Variants in PATJ observed in about 807,000 individuals in gnomAD.
PATJ encodes the protein PATJ crumbs cell polarity complex component.
Under a neutral mutation model 224.9 loss-of-function variants are expected in PATJ, and 190 were observed. That is an observed-to-expected ratio of 0.84 (90% CI 0.75 to 0.95). PATJ has a LOEUF of 0.95. PATJ is among the 40% of genes least tolerant of loss of function. The pLI is 0.00. For synonymous variants in PATJ, 769 were observed against 820.3 expected, an observed-to-expected ratio of 0.94 and a Z score of 1.07; for missense variants, 2,121 against 2,270.3, an observed-to-expected ratio of 0.93 and a Z score of 1.34.
At chr1:62,092,750 T>TTTATTTATTTATTTATTTATTTA (rs1553264643) in intron 33 of PATJ, among the ~76,000 whole-genome samples, 25 of 151,104 alleles carry the variant, frequency 1.7e-4, no homozygotes, top group African/African-American at 5.7e-4. Flanking sequence ...TTATTTATTT[T>TTTATTTATTTATTTATTTATTTA]TTTATTTTTT....
rs76477395 is a variant in PATJ at position 61,757,765 on chromosome 1, A to C, written c.-35-5093A>C. ...AAAAGTTTAATTTTTAAATCTCTCC[A>C]TCCTCATGTCTACTTTCTAGTAGTA... On this transcript the variant is annotated intron_variant, in intron 1 of 43. Transcript: ENST00000642238. Among the ~76,000 whole-genome samples, 2,179 of 152,166 alleles carry C rather than the reference A, an allele frequency of 0.014. 87 individuals carry two copies. The South Asian group carries it at 0.16, about 11-fold the overall frequency.
chr1:61,769,455 T>C, intron 5 of PATJ, 33 bp downstream of exon 5: 1 of 1,594,614 alleles, frequency 6.3e-7, no homozygotes, highest in Non-Finnish European at 8.5e-7. Flanking sequence ...TTTTGCTAAT[T>C]GTTTCCTGAT....
intron 28 of PATJ, among the ~76,000 whole-genome samples, chr1:62,007,318 C>T (rs1028224754): frequency 5.3e-5 from 8 of 152,174 alleles, no homozygotes; most frequent in Non-Finnish European, 7.3e-5. Context: ...TCTGGAAGAC[C>T]TCAGAAGGCC....
chr1:61,976,956 C>T (rs1225597109), intron 27 of PATJ, among the ~76,000 whole-genome samples: 2 of 151,960 alleles, frequency 1.3e-5, no homozygotes, highest in African/African-American at 4.8e-5. Flanking sequence ...CATTAATTTT[C>T]CTAACATCAT....
chr1:61,768,472 AAAAT>A (rs141005824), intron 4 of PATJ, among the ~76,000 whole-genome samples: 12 of 149,306 alleles, frequency 8.0e-5, no homozygotes, highest in South Asian at 2.1e-4. Context: ...TCCGTCTCAA[AAAAT>A]AAATAAATAA....
intron 33 of PATJ, among the ~76,000 whole-genome samples, chr1:62,092,563 C>G (rs1475358885): frequency 2.7e-5 from 4 of 150,576 alleles, no homozygotes; most frequent in Non-Finnish European, 5.9e-5. Flanking sequence ...TTGCAGGCAC[C>G]CACCACCACA....
chr1:62,110,626 G>A (rs1378991798), intron 34 of PATJ, among the ~76,000 whole-genome samples: 1 of 152,076 alleles, frequency 6.6e-6, no homozygotes, highest in Non-Finnish European at 1.5e-5. Context: ...TCTCCTTTTA[G>A]GCCAGTTCCT....
chr1:61,881,560 T>G (rs1668105063), intron 21 of PATJ, among the ~76,000 whole-genome samples: 1 of 151,850 alleles, frequency 6.6e-6, no homozygotes, highest in African/African-American at 2.4e-5. Context: ...TACAGGTGTG[T>G]GCCACCACGC....
chr1:61,953,042 G>A (rs1679947185), intron 27 of PATJ, among the ~76,000 whole-genome samples: 1 of 152,094 alleles, frequency 6.6e-6, no homozygotes, highest in African/African-American at 2.4e-5. Flanking sequence ...TTAGGGGTGG[G>A]GGCTCAGCTC....
At chr1:61,805,229 T>C (rs1464793622) in intron 12 of PATJ, among the ~76,000 whole-genome samples, 2 of 152,208 alleles carry the variant, frequency 1.3e-5, no homozygotes, top group Non-Finnish European at 2.9e-5. Context: ...AGCACCTTCA[T>C]AATTTGGTCA....
intron 4 of PATJ, among the ~76,000 whole-genome samples, chr1:61,766,939 A>G (rs1342664354): frequency 6.6e-6 from 1 of 152,156 alleles, no homozygotes; most frequent in Non-Finnish European, 1.5e-5. Flanking sequence ...CTAAAAATAG[A>G]AAAATTAGCC....
In PATJ at chr1:62,128,952, C is replaced by T. The variant is rs373657619; in HGVS notation, c.5271+7C>T. The T allele has an allele frequency of 2.0e-5, 32 of 1,570,426 alleles. No homozygotes were observed. The highest frequency in any genetic ancestry group is 1.2e-4 in the Admixed American group (7 of 59,778). On this transcript the variant is annotated splice_region_variant and intron_variant, in intron 41 of 43. Transcript: ENST00000642238. ...CGGGCGCATTATCCTGCAGGTATTG[C>T]GATCAACGGAGCACGCAGCTGTGCA...
intron 1 of PATJ, among the ~76,000 whole-genome samples, chr1:61,744,559 T>C (rs1644928750): frequency 6.6e-6 from 1 of 152,130 alleles, no homozygotes; most frequent in Non-Finnish European, 1.5e-5. Flanking sequence ...ACTTATAAAA[T>C]GAGTTCTGAA....
chr1:61,747,587 A>G (rs1009489186), intron 1 of PATJ, among the ~76,000 whole-genome samples: 1 of 152,148 alleles, frequency 6.6e-6, no homozygotes, highest in Non-Finnish European at 1.5e-5. Flanking sequence ...AATTCCGGTA[A>G]AATTATGGAG....
chr1:61,804,332 G>A (rs1245849954), intron 12 of PATJ, among the ~76,000 whole-genome samples: 1 of 152,010 alleles, frequency 6.6e-6, no homozygotes, highest in Non-Finnish European at 1.5e-5. Flanking sequence ...TATTTCATGG[G>A]TATTCTTTTA....
intron 43 of PATJ, among the ~76,000 whole-genome samples, chr1:62,155,077 A>AT (rs746257795): frequency 2.6e-5 from 4 of 152,168 alleles, no homozygotes; most frequent in Non-Finnish European, 4.4e-5. Context: ...AGTTCTTGGG[A>AT]TAATTATTCT....
chr1:61,958,952 G>A (rs1188793196), intron 27 of PATJ, among the ~76,000 whole-genome samples: 1 of 152,114 alleles, frequency 6.6e-6, no homozygotes, highest in Non-Finnish European at 1.5e-5. Context: ...AATACGAAGA[G>A]CCTAAATGTG....
At chr1:61,941,094 A>T (rs1677749344) in intron 27 of PATJ, among the ~76,000 whole-genome samples, 1 of 152,218 alleles carries the variant, frequency 6.6e-6, no homozygotes, top group African/African-American at 2.4e-5. Context: ...TGGAATTTTG[A>T]TGCTGTAGGG....
At chr1:61,837,721 C>T (rs960583326) in intron 17 of PATJ, among the ~76,000 whole-genome samples, 1 of 141,662 alleles carries the variant, frequency 7.1e-6, no homozygotes, top group African/African-American at 2.6e-5. Flanking sequence ...GCCTGGGAGG[C>T]GGAGGTTACG....
Sources: allele counts gnomAD v4.1 joint callset (sites outside exome capture counted in the v4.1 genomes callset), GRCh38; gene constraint gnomAD v4.1.1; transcripts MANE v1.5; gene names NCBI Gene and HGNC (gene_info 2026-07-23, HGNC 2026-07-21).